PRRC1: variants seen among roughly 807,000 people sequenced by gnomAD.
PRRC1 encodes proline rich coiled-coil 1, also known as protein PRRC1.
A neutral mutation model predicts 40.7 loss-of-function variants in PRRC1; 39 were observed. The ratio of observed to expected loss-of-function variants is 0.96; its 90% CI spans 0.74 to 1.25. The LOEUF is 1.25. Among genes scored for constraint, PRRC1 ranks in the 50% most tolerant of loss-of-function variants. PRRC1 has a pLI of 0.00. For synonymous variants in PRRC1, 175 were observed against 193.3 expected (o/e 0.91, Z 0.79); for missense variants, 573 against 548.3 (o/e 1.05, Z -0.45).
chr5:127,534,483 A>T (rs73333185), intron 6 of PRRC1, among the ~76,000 whole-genome samples: 3,014 of 152,298 alleles, frequency 0.02, 97 homozygotes, highest in African/African-American at 0.069. Flanking sequence ...GCTCGTGCTA[A>T]TGTTCTCCAT....
At chr5:127,521,288 T>G (rs557422983) in intron 1 of PRRC1, among the ~76,000 whole-genome samples, 76 of 152,320 alleles carry the variant, frequency 5.0e-4, no homozygotes, top group African/African-American at 1.8e-3. Context: ...TTAGTAATCC[T>G]TGGTCATCTG....
At chr5:127,541,943 T>G (rs1387198771) in intron 7 of PRRC1, among the ~76,000 whole-genome samples, 1 of 151,816 alleles carries the variant, frequency 6.6e-6, no homozygotes, top group Admixed American at 6.6e-5. Flanking sequence ...GCTCTTGCTT[T>G]TCTAGTTCTT....
intron 6 of PRRC1, among the ~76,000 whole-genome samples, chr5:127,536,643 A>G (rs1767911333): frequency 6.6e-6 from 1 of 152,102 alleles, no homozygotes. Flanking sequence ...ATTGTGAAGC[A>G]TTGTATAAAT....
intron 1 of PRRC1, among the ~76,000 whole-genome samples, chr5:127,519,278 A>G (rs1369166087): frequency 3.3e-5 from 5 of 152,196 alleles, no homozygotes. Flanking sequence ...CCTTCGATGT[A>G]TAGGTACTGA....
intron 6 of PRRC1, among the ~76,000 whole-genome samples, chr5:127,534,317 G>C (rs1479710059): frequency 1.3e-5 from 2 of 151,378 alleles, no homozygotes; most frequent in Non-Finnish European, 1.5e-5. Flanking sequence ...CAAATTCTTT[G>C]ACCTCCCTTC....
intron 7 of PRRC1, among the ~76,000 whole-genome samples, chr5:127,542,829 A>G (rs867900640): frequency 6.6e-5 from 10 of 151,574 alleles, no homozygotes; most frequent in Middle Eastern, 3.4e-3. Flanking sequence ...TCTTTATCCA[A>G]TTTGCCAGTC....
At chr5:127,527,629 G>A (rs1231937884) in intron 4 of PRRC1, among the ~76,000 whole-genome samples, 4 of 151,860 alleles carry the variant, frequency 2.6e-5, no homozygotes, top group African/African-American at 9.7e-5. Flanking sequence ...GCATTGTAGC[G>A]TGTGCCTGTG....
At chr5:127,549,145 C>T (rs752275338) in intron 8 of PRRC1, 3 of 126,954 alleles carry the variant, frequency 2.4e-5, no homozygotes, top group Non-Finnish European at 4.8e-5. Flanking sequence ...AATGGAAGAA[C>T]TTTATGTAAC....
rs141374532 is a variant in PRRC1 at position 127,539,758 on chromosome 5, C to T, written c.1025+615C>T. ...TTGTTCAGTGTTGAATAACAATGGG[C>T]ATAGCATTTTGTGGCTTGTAATATG... On this transcript the variant is annotated intron_variant, in intron 7 of 8. Coordinates refer to ENST00000296666, the MANE Select transcript of PRRC1 (RefSeq NM_130809.5). Among the ~76,000 whole-genome samples, 1,399 of 152,042 alleles carry T rather than the reference C, an allele frequency of 9.2e-3. 14 individuals carry two copies. Among genetic ancestry groups the T allele is most frequent in the East Asian group, 0.03 (155 of 5,186 alleles).
At chr5:127,539,330 T>G (rs960843480) in intron 7 of PRRC1, among the ~76,000 whole-genome samples, 187 bp downstream of exon 7, 1 of 152,126 alleles carries the variant, frequency 6.6e-6, no homozygotes, top group African/African-American at 2.4e-5. Context: ...TGTGTCTCTT[T>G]TTTAATTATA....
intron 1 of PRRC1, among the ~76,000 whole-genome samples, chr5:127,521,017 T>A (rs1462306740): frequency 1.3e-5 from 2 of 152,206 alleles, no homozygotes; most frequent in East Asian, 3.8e-4. Context: ...TACCCTCAGC[T>A]TGAATGCCTT....
rs144708262 is a variant in PRRC1 at position 127,537,898 on chromosome 5, T to C, written c.922-1142T>C. Among the ~76,000 whole-genome samples, 1,205 of 152,066 alleles carry C rather than the reference T, an allele frequency of 7.9e-3. 6 individuals carry two copies. The highest frequency in any genetic ancestry group is 0.012 in the Non-Finnish European group (826 of 67,838). ...CAAAATCAACAGGTGCCTCTTTAAGTGTTATTAGATTTGGTGATGCCATAT... is the reference window on the plus strand; with the variant it reads ...CAAAATCAACAGGTGCCTCTTTAAGCGTTATTAGATTTGGTGATGCCATAT... On this transcript the variant is annotated intron_variant, in intron 6 of 8. Transcript: ENST00000296666.
intron 4 of PRRC1, among the ~76,000 whole-genome samples, chr5:127,527,895 A>G (rs1767667327): frequency 6.6e-6 from 1 of 151,908 alleles, no homozygotes; most frequent in African/African-American, 2.4e-5. Flanking sequence ...TACCTATTCC[A>G]CTTCAGGAGG....
rs78658469 is a variant in PRRC1 at position 127,534,313 on chromosome 5, C to A, written c.921+527C>A. Among the ~76,000 whole-genome samples the A allele has an allele frequency of 3.9e-5, 6 of 152,024 alleles. No individual in the cohort carries two copies. The East Asian group carries it at 7.8e-4, about 20-fold the overall frequency. ...AAACCAAAGGAAACCCCAACAAATT[C>A]TTTGACCTCCCTTCCTCTATAACTT... On this transcript the variant is annotated intron_variant, in intron 6 of 8. Transcript: ENST00000296666.
intron 7 of PRRC1, among the ~76,000 whole-genome samples, chr5:127,541,703 G>A (rs1768051608): frequency 6.6e-6 from 1 of 151,612 alleles, no homozygotes; most frequent in Non-Finnish European, 1.5e-5. Flanking sequence ...TTGTATTTCT[G>A]TGGGATCGGT....
At chr5:127,537,346 C>G (rs1767925899) in intron 6 of PRRC1, among the ~76,000 whole-genome samples, 1 of 151,720 alleles carries the variant, frequency 6.6e-6, no homozygotes, top group African/African-American at 2.4e-5. Context: ...ATCTCCTTCT[C>G]AAAACATTGG....
chr5:127,536,905 GA>G (rs1270948291), intron 6 of PRRC1, among the ~76,000 whole-genome samples: 1 of 151,710 alleles, frequency 6.6e-6, no homozygotes, highest in Non-Finnish European at 1.5e-5. Flanking sequence ...CTAATGAGAA[GA>G]AAAATAATGT....
rs769458008 is a variant in PRRC1, at chr5:127,533,912, T to A, written c.921+126T>A. The A allele has an allele frequency of 1.6e-5, 16 of 971,812 alleles. No individual in the cohort carries two copies. The African/African-American group carries it at 2.4e-4, about 15-fold the overall frequency. 60.2% of individuals were successfully genotyped at this position (971,812 alleles called of 1,614,324 possible). ...TACTGAAATAACAATGAACTTTGCT[T>A]TTAGTAGACAGCCCTATCGTATTAT... On this transcript the variant is annotated intron_variant, in intron 6 of 8. Transcript: ENST00000296666.
chr5:127,541,659 C>T (rs918822541), intron 7 of PRRC1, among the ~76,000 whole-genome samples: 22 of 152,076 alleles, frequency 1.4e-4, no homozygotes, highest in African/African-American at 4.1e-4. Context: ...AGTTTATTTG[C>T]GTAGAGTTGT....
Sources: allele counts gnomAD v4.1 joint callset (sites outside exome capture counted in the v4.1 genomes callset), GRCh38; gene constraint gnomAD v4.1.1; transcripts MANE v1.5; gene names NCBI Gene and HGNC (gene_info 2026-07-23, HGNC 2026-07-21).